Variants in NUGGC observed in about 807,000 individuals in gnomAD.
NUGGC encodes the protein nuclear GTPase, germinal center associated, also known as nuclear GTPase SLIP-GC.
A neutral mutation model predicts 92.6 loss-of-function variants in NUGGC; 58 were observed. The observed-to-expected ratio is 0.63, with a 90% CI of 0.51 to 0.78. NUGGC has a LOEUF of 0.78. NUGGC is among the 30% of genes least tolerant of loss of function. The pLI is 0.00. For missense variants in NUGGC, 925 were observed against 964.6 expected, an observed-to-expected ratio of 0.96 and a Z score of 0.54; for synonymous variants, 376 against 366.4, an observed-to-expected ratio of 1.03 and a Z score of -0.30.
chr8:28,074,268 A>G (rs753638752), intron 2 of NUGGC, 100 bp downstream of exon 2: 50 of 814,766 alleles, frequency 6.1e-5, no homozygotes, highest in Admixed American at 3.9e-4. Flanking sequence ...AGTAAGGAAC[A>G]ATGACAACAG....
At chr8:28,078,348 A>G in intron 1 of NUGGC, among the ~76,000 whole-genome samples, 1 of 152,236 alleles carries the variant, frequency 6.6e-6, no homozygotes, top group East Asian at 1.9e-4. Context: ...AGGACAGAAG[A>G]AAATAAACAC....
rs199962003 is a variant in NUGGC at position 28,041,144 on chromosome 8, G to A, written c.1518C>T (p.Ile506=). ...EEKVELLEKA[I]AQCFACMEQP... is the part of the protein sequence containing the mutation. ...GCTCCATGCAGGCGAAGCACTGTGC[G>A]ATGGCCTTCTCCAGCAGCTCAACCT... is the stretch of plus-strand genomic sequence containing the variant. The change falls in exon 13 of 19, where the codon ATC becomes ATT. Residue 506 remains isoleucine (I), a synonymous_variant. Transcript: ENST00000413272. 632 of 1,610,452 alleles carry A rather than the reference G, an allele frequency of 3.9e-4. 3 individuals are homozygous for A. The Middle Eastern group carries it at 4.6e-3, about 12-fold the overall frequency.
intron 10 of NUGGC, among the ~76,000 whole-genome samples, chr8:28,050,142 TC>T (rs1455865095): frequency 1.3e-5 from 2 of 151,926 alleles, no homozygotes; most frequent in African/African-American, 4.8e-5. Context: ...TCCCAGCACT[TC>T]GGGAGGCCGA....
chr8:28,070,374 A>T lies in NUGGC; in HGVS notation c.44-18T>A. On this transcript the variant is annotated intron_variant, in intron 2 of 18. Coordinates refer to ENST00000413272, the MANE Select transcript of NUGGC (RefSeq NM_001010906.2). ...ATCTTCAACTAGAGATAAACAGAGG[A>T]TATATAAGATTATAGGTGTTGGGGT... is the stretch of plus-strand genomic sequence containing the variant. 1 of 1,290,418 alleles carries T rather than the reference A, an allele frequency of 7.7e-7. No individual in the cohort carries two copies. Among genetic ancestry groups the T allele is most frequent in the East Asian group, 2.5e-5 (1 of 39,694 alleles). The allele number at this position is 1,290,418 out of a possible 1,614,324, so 79.9% of individuals were successfully genotyped here. A position where few individuals can be genotyped will look rare whatever the true frequency, so the allele number is the denominator to read the frequency against.
At chr8:28,062,760 C>T (rs1202831134) in intron 7 of NUGGC, among the ~76,000 whole-genome samples, 1 of 152,192 alleles carries the variant, frequency 6.6e-6, no homozygotes, top group African/African-American at 2.4e-5. Context: ...TCATATTCCC[C>T]ATGGTCCTGG....
intron 2 of NUGGC, 57 bp from the exon 3 acceptor site, chr8:28,070,413 C>T (rs1307939927): frequency 5.5e-6 from 5 of 913,448 alleles, no homozygotes; most frequent in Non-Finnish European, 5.2e-6. Flanking sequence ...GTATTCTTGC[C>T]TCACCTCTAT....
intron 14 of NUGGC, among the ~76,000 whole-genome samples, chr8:28,033,040 G>A (rs187950549): frequency 6.6e-5 from 10 of 152,226 alleles, no homozygotes; most frequent in Admixed American, 6.5e-4. Flanking sequence ...TATGCCTGTG[G>A]TCTCAGCTAC....
chr8:28,040,480 G>A (rs1243264629), intron 13 of NUGGC, among the ~76,000 whole-genome samples: 2 of 152,120 alleles, frequency 1.3e-5, no homozygotes, highest in African/African-American at 4.8e-5. Flanking sequence ...TGGATGTTTG[G>A]TGGAGCTGGT....
At chr8:28,029,489 C>A (rs1316562469) in intron 16 of NUGGC, 87 bp from the exon 17 acceptor site, 5 of 1,477,484 alleles carry the variant, frequency 3.4e-6, no homozygotes, top group Non-Finnish European at 3.7e-6. Flanking sequence ...TGGCTCACAC[C>A]TGTAATCCCA....
Position 28,033,560 on chromosome 8 carries a change from A to C in NUGGC, c.1749T>G (p.Pro583=), listed in dbSNP as rs369994361. ...LTQPVYDQID[P]VFGSIFRTGK... ...TTTACCTAAAAATGCTTCCAAAAAC[A>C]GGGTCGATCTGGTCATAGACGGGCT... Residue 583 remains proline, a synonymous_variant, in exon 14 of 19, where the codon CCT becomes CCG. Coordinates refer to ENST00000413272, the MANE Select transcript of NUGGC (RefSeq NM_001010906.2). 1.9e-4 allele frequency: 300 copies of C among 1,613,216 alleles called. 1 individual carries two copies. Among genetic ancestry groups the C allele is most frequent in the Non-Finnish European group, 2.4e-4 (287 of 1,179,674 alleles).
chr8:28,074,847 G>T (rs1279833095), intron 1 of NUGGC, among the ~76,000 whole-genome samples: 1 of 152,196 alleles, frequency 6.6e-6, no homozygotes, highest in Admixed American at 6.5e-5. Flanking sequence ...GCTGAGGCAG[G>T]AGAATCTCTT....
rs538289847 is a variant in NUGGC at position 28,060,684 on chromosome 8, G to A, written c.922-83C>T. 46 of 1,291,476 alleles carry A rather than the reference G, an allele frequency of 3.6e-5. No homozygotes were observed. In the East Asian group the frequency reaches 7.9e-4, roughly 22 times the overall value. 80.0% of individuals were successfully genotyped at this position (1,291,476 alleles called of 1,614,324 possible). On this transcript the variant is annotated intron_variant, in intron 7 of 18. Coordinates refer to ENST00000413272, the MANE Select transcript of NUGGC (RefSeq NM_001010906.2). Reference sequence around the variant, plus strand: ...ACCGGTTCCCTAATGTATCCCTTAAGCCTCTCCCTCCAGTCCCACCCCTCA... The same window carrying A: ...ACCGGTTCCCTAATGTATCCCTTAAACCTCTCCCTCCAGTCCCACCCCTCA...
intron 10 of NUGGC, among the ~76,000 whole-genome samples, chr8:28,049,184 A>G (rs899077765): frequency 2.0e-5 from 3 of 152,132 alleles, no homozygotes; most frequent in African/African-American, 7.2e-5. Flanking sequence ...GCAAGCTATA[A>G]GCACGTGTAG....
chr8:28,026,364 T>A (rs2130059745), intron 18 of NUGGC, among the ~76,000 whole-genome samples: 1 of 152,304 alleles, frequency 6.6e-6, no homozygotes, highest in Non-Finnish European at 1.5e-5. Flanking sequence ...CCCTCTCCAG[T>A]TTATACCGGG....
chr8:28,058,073 T>C (rs1030478368), intron 9 of NUGGC, among the ~76,000 whole-genome samples, 185 bp downstream of exon 9: 1 of 151,966 alleles, frequency 6.6e-6, no homozygotes, highest in African/African-American at 2.4e-5. Flanking sequence ...GTACCTGTAA[T>C]CCCAGCTACT....
At chr8:28,035,011 G>A (rs998913975) in intron 13 of NUGGC, among the ~76,000 whole-genome samples, 14 of 152,144 alleles carry the variant, frequency 9.2e-5, no homozygotes, top group African/African-American at 2.7e-4. Context: ...TTTGATAGGA[G>A]CACCTTGGGC....
Position 28,041,127 on chromosome 8 carries a change from C to T in NUGGC, c.1535G>A (p.Cys512Tyr), listed in dbSNP as rs752260434. 5 of 1,608,884 alleles carry T rather than the reference C, an allele frequency of 3.1e-6. No homozygotes were observed. The highest frequency in any genetic ancestry group is 4.2e-6 in the Non-Finnish European group (5 of 1,177,958). The change falls in exon 13 of 19, where the codon TGC (cysteine) becomes TAC (tyrosine). Residue 512 changes from cysteine to tyrosine, a missense_variant. Transcript: ENST00000413272. ...CCCTTCTTGCAGAGGCTGCTCCATG[C>T]AGGCGAAGCACTGTGCGATGGCCTT... ...LEKAIAQCFA[C>Y]MEQPLQEGVR...
intron 8 of NUGGC, among the ~76,000 whole-genome samples, chr8:28,059,645 C>T (rs367812173): frequency 1.3e-5 from 2 of 152,076 alleles, no homozygotes; most frequent in African/African-American, 4.8e-5. Context: ...GCACATCCTG[C>T]ACATGTACCC....
Position 28,042,638 on chromosome 8 carries a change from G to A in NUGGC, c.1447-1423C>T, listed in dbSNP as rs1231889908. 2.0e-5 allele frequency among the ~76,000 whole-genome samples: 3 copies of A among 152,124 alleles called. No individual in the cohort carries two copies. The East Asian group carries it at 5.8e-4, about 29-fold the overall frequency. On this transcript the variant is annotated intron_variant, in intron 12 of 18. Coordinates refer to ENST00000413272, the MANE Select transcript of NUGGC (RefSeq NM_001010906.2). The stretch of plus-strand genomic sequence containing the variant: ...GCACGTCTCCTGCCTCCTGCCGTAT[G>A]ACATCTCTCTCGTTCCCTGTGTCTT...
Sources: allele counts gnomAD v4.1 joint callset (sites outside exome capture counted in the v4.1 genomes callset), GRCh38; gene constraint gnomAD v4.1.1; transcripts MANE v1.5; gene names NCBI Gene and HGNC (gene_info 2026-07-23, HGNC 2026-07-21).